SNTG1: variants seen among roughly 807,000 people sequenced by gnomAD.
The protein encoded by SNTG1 is syntrophin gamma 1.
In SNTG1, 39 loss-of-function variants were observed where a neutral mutation model predicts 74.7. The ratio of observed to expected loss-of-function variants is 0.52; its 90% CI spans 0.40 to 0.68. The LOEUF (loss-of-function observed/expected upper bound fraction) is 0.68, where lower values mean the gene tolerates loss of function less well. SNTG1 is among the 30% of genes least tolerant of loss of function. The probability of loss-of-function intolerance (pLI) is 0.00; values close to 1 mark genes in which losing one functional copy is unlikely to be tolerated. For synonymous variants in SNTG1, 254 were observed against 217.1 expected (o/e 1.17, Z -1.49); for missense variants, 685 against 609.5 (o/e 1.12, Z -1.30).
intron 1 of SNTG1, among the ~76,000 whole-genome samples, chr8:50,113,895 A>G (rs760267598): frequency 2.8e-4 from 43 of 151,676 alleles, no homozygotes; most frequent in Middle Eastern, 3.4e-3. Context: ...CATGTACCCT[A>G]GAACTTAAAG....
chr8:50,766,274 G>C (rs2095613649), intron 18 of SNTG1, among the ~76,000 whole-genome samples: 1 of 151,960 alleles, frequency 6.6e-6, no homozygotes, highest in African/African-American at 2.4e-5. Context: ...CCAGACTTTA[G>C]ATAGGTAAGC....
chr8:49,916,871 A>G (rs1046025987), intron 1 of SNTG1, among the ~76,000 whole-genome samples: 1 of 151,784 alleles, frequency 6.6e-6, no homozygotes, highest in African/African-American at 2.4e-5. Context: ...AAAAAATAAA[A>G]AAATAATATC....
At chr8:50,435,757 C>G (rs1314282898) in intron 4 of SNTG1, among the ~76,000 whole-genome samples, 1 of 152,016 alleles carries the variant, frequency 6.6e-6, no homozygotes, top group East Asian at 1.9e-4. Flanking sequence ...GTGTGTGTGC[C>G]CAGGTGTTTA....
At chr8:50,399,448 C>G (rs1347897143) in intron 3 of SNTG1, among the ~76,000 whole-genome samples, 2 of 152,162 alleles carry the variant, frequency 1.3e-5, no homozygotes, top group Non-Finnish European at 2.9e-5. Context: ...GCTCCTCAAA[C>G]TTTCCCTGGA....
chr8:50,665,944 G>T (rs919749948), intron 15 of SNTG1, among the ~76,000 whole-genome samples: 25 of 152,108 alleles, frequency 1.6e-4, no homozygotes, highest in Admixed American at 1.4e-3. Context: ...AAAAGTGACA[G>T]CATTGCCTTA....
intron 1 of SNTG1, among the ~76,000 whole-genome samples, chr8:50,057,603 T>C (rs1448169733): frequency 2.0e-5 from 3 of 152,066 alleles, no homozygotes; most frequent in Non-Finnish European, 4.4e-5. Flanking sequence ...TGATATGTCA[T>C]GGTTAAGGAC....
intron 15 of SNTG1, among the ~76,000 whole-genome samples, chr8:50,664,855 C>G (rs1034758013): frequency 1.3e-5 from 2 of 152,140 alleles, no homozygotes; most frequent in African/African-American, 4.8e-5. Flanking sequence ...TGTCTGTCTT[C>G]ATTCATAATA....
chr8:50,394,268 G>A lies in SNTG1; in HGVS notation c.27+3G>A. The stretch of plus-strand genomic sequence containing the variant: ...ATTTCAGAACCGCCTGTGAGGAGGT[G>A]AGTACAGAGCTTTCTGCTTTTCAAA... On this transcript the variant is annotated splice_donor_region_variant and intron_variant, in intron 3 of 18. Coordinates refer to ENST00000642720, the MANE Select transcript of SNTG1 (RefSeq NM_018967.5). 6.2e-7 allele frequency: 1 copy of A among 1,612,814 alleles called. No individual in the cohort carries two copies. The highest frequency in any genetic ancestry group is 8.5e-7 in the Non-Finnish European group (1 of 1,179,264).
rs1050106362 is a variant in SNTG1 at position 50,505,933 on chromosome 8, T to C, written c.466+3053T>C. Among the ~76,000 whole-genome samples the C allele has an allele frequency of 2.6e-5, 4 of 152,236 alleles. No individual in the cohort carries two copies. In the East Asian group the frequency reaches 7.7e-4, roughly 29 times the overall value. On this transcript the variant is annotated intron_variant, in intron 9 of 18. Transcript: ENST00000642720. ...TTCAGAAAATAATTGCCAAATCCAA[T>C]GTCATAAAGATTTTTCTCTAATTTT...
At chr8:50,472,362 G>T (rs1414324712) in intron 8 of SNTG1, among the ~76,000 whole-genome samples, 1 of 152,160 alleles carries the variant, frequency 6.6e-6, no homozygotes, top group African/African-American at 2.4e-5. Flanking sequence ...TAGATGTGAT[G>T]AAGAGAATAG....
chr8:50,361,557 C>T (rs2091959868), intron 2 of SNTG1, among the ~76,000 whole-genome samples: 1 of 152,098 alleles, frequency 6.6e-6, no homozygotes, highest in African/African-American at 2.4e-5. Context: ...CCAGACGGGA[C>T]TCAAAGTCGC....
intron 2 of SNTG1, among the ~76,000 whole-genome samples, chr8:50,359,947 T>C (rs2091914425): frequency 6.6e-6 from 1 of 152,122 alleles, no homozygotes; most frequent in South Asian, 2.1e-4. Flanking sequence ...ACCACATTAG[T>C]GCACAACTAA....
At chr8:50,402,460 C>T (rs1587488287) in intron 4 of SNTG1, 116 bp downstream of exon 4, 2 of 1,276,684 alleles carry the variant, frequency 1.6e-6, no homozygotes, top group East Asian at 4.8e-5. Flanking sequence ...AATGGTTCTG[C>T]ATGGAATTTT....
At chr8:49,933,948 T>C (rs1807818141) in intron 1 of SNTG1, among the ~76,000 whole-genome samples, 1 of 152,186 alleles carries the variant, frequency 6.6e-6, no homozygotes, top group Admixed American at 6.5e-5. Context: ...AAGGCATAAA[T>C]GTGAAAAGAT....
chr8:50,139,078 C>T (rs1199292149), intron 1 of SNTG1, among the ~76,000 whole-genome samples: 1 of 151,992 alleles, frequency 6.6e-6, no homozygotes. Flanking sequence ...TGTATATTTG[C>T]TTACATTTGT....
intron 9 of SNTG1, among the ~76,000 whole-genome samples, chr8:50,511,235 T>A (rs2094070692): frequency 6.6e-6 from 1 of 152,196 alleles, no homozygotes; most frequent in Admixed American, 6.6e-5. Context: ...TTTGACTGAG[T>A]TTCTTAATCC....
intron 1 of SNTG1, among the ~76,000 whole-genome samples, chr8:50,142,977 G>A (rs2081724886): frequency 1.3e-5 from 2 of 152,000 alleles, no homozygotes; most frequent in African/African-American, 4.8e-5. Context: ...GGGAGGCTGA[G>A]ACATGAGAAT....
chr8:50,540,340 A>G (rs1260332116), intron 11 of SNTG1, among the ~76,000 whole-genome samples: 1 of 151,888 alleles, frequency 6.6e-6, no homozygotes, highest in Non-Finnish European at 1.5e-5. Context: ...TTTTTTTGCT[A>G]TTTCTATTTA....
At chr8:50,367,933 G>A (rs1051872066) in intron 2 of SNTG1, among the ~76,000 whole-genome samples, 1 of 152,048 alleles carries the variant, frequency 6.6e-6, no homozygotes, top group Non-Finnish European at 1.5e-5. Flanking sequence ...TTGGGAACTG[G>A]GCAATAGGGT....
Sources: allele counts gnomAD v4.1 joint callset (sites outside exome capture counted in the v4.1 genomes callset), GRCh38; gene constraint gnomAD v4.1.1; transcripts MANE v1.5; gene names NCBI Gene and HGNC (gene_info 2026-07-23, HGNC 2026-07-21).